Variants in TPD52L3 observed in about 807,000 individuals in gnomAD.
The protein encoded by TPD52L3 is tumor protein D55.
In TPD52L3, 12 loss-of-function variants were observed where a neutral mutation model predicts 8.7. The observed-to-expected ratio is 1.38, with a 90% CI of 0.89 to 2.24. The LOEUF (loss-of-function observed/expected upper bound fraction) is 2.24, where lower values mean the gene tolerates loss of function less well. TPD52L3 is among the 30% of genes most tolerant of loss of function. The pLI, the probability that TPD52L3 is intolerant of heterozygous loss-of-function variation, is 0.00. For synonymous variants in TPD52L3, 79 were observed against 66.8 expected (o/e 1.18, Z -0.89); for missense variants, 207 against 158.7 (o/e 1.30, Z -1.64).
In TPD52L3 at chr9:6,328,592, G is replaced by T. The variant is rs376747813; in HGVS notation, c.-4G>T. On this transcript the variant is annotated 5_prime_UTR_variant, in exon 1 of 2. Transcript: ENST00000314556. Reference sequence around the variant, plus strand: ...CTCTTAACGAAGATCTTCTTTCCCAGTCCATGCCACATGCCAGGACAGAGA... The same window carrying T: ...CTCTTAACGAAGATCTTCTTTCCCATTCCATGCCACATGCCAGGACAGAGA... The T allele has an allele frequency of 2.5e-6, 4 of 1,612,368 alleles. No individual in the cohort carries two copies. Among genetic ancestry groups the T allele is most frequent in the African/African-American group, 1.3e-5 (1 of 74,870 alleles).
Position 6,328,516 on chromosome 9 carries a change from T to C in TPD52L3, c.-80T>C. 2 of 1,505,634 alleles carry C rather than the reference T, an allele frequency of 1.3e-6. No individual in the cohort carries two copies. The highest frequency in any genetic ancestry group is 1.8e-6 in the Non-Finnish European group (2 of 1,123,106). The allele number at this position is 1,505,634 out of a possible 1,614,324, so 93.3% of individuals were successfully genotyped here. On this transcript the variant is annotated 5_prime_UTR_variant, in exon 1 of 2. Transcript: ENST00000314556. The stretch of plus-strand genomic sequence containing the variant: ...TTCGACTCTGCTGGCCAAGATTATT[T>C]CTCTGCAGCCCAATAATTCGACTCT...
chr9:6,328,586 T>G lies in TPD52L3; in HGVS notation c.-10T>G, dbSNP rs1230063228. The G allele has an allele frequency of 6.2e-7, 1 of 1,610,808 alleles. No individual in the cohort carries two copies. Among genetic ancestry groups the G allele is most frequent in the East Asian group, 2.2e-5 (1 of 44,850 alleles). On this transcript the variant is annotated 5_prime_UTR_variant, in exon 1 of 2. Transcript: ENST00000314556. ...TGGACTCTCTTAACGAAGATCTTCT[T>G]TCCCAGTCCATGCCACATGCCAGGA...
At chr9:6,330,690 T>A (rs1422766432) in intron 1 of TPD52L3, 1 of 1,230,170 alleles carries the variant, frequency 8.1e-7, no homozygotes, top group African/African-American at 1.6e-5. Context: ...TTTAATTTGT[T>A]GTGTTTATCA....
Position 6,328,529 on chromosome 9 carries a change from A to G in TPD52L3, c.-67A>G. 3.2e-6 allele frequency: 5 copies of G among 1,543,084 alleles called. No individual in the cohort carries two copies. The highest frequency in any genetic ancestry group is 3.5e-6 in the Non-Finnish European group (4 of 1,147,688). On this transcript the variant is annotated 5_prime_UTR_variant, in exon 1 of 2. Coordinates refer to ENST00000314556, the MANE Select transcript of TPD52L3 (RefSeq NM_001001874.3). The stretch of plus-strand genomic sequence containing the variant: ...GCCAAGATTATTTCTCTGCAGCCCA[A>G]TAATTCGACTCTTTCTACCAAGAAT...
In TPD52L3 at chr9:6,331,147, T is replaced by C; in HGVS notation, c.*128T>C. On this transcript the variant is annotated 3_prime_UTR_variant, in exon 2 of 2. Coordinates refer to ENST00000314556, the MANE Select transcript of TPD52L3 (RefSeq NM_001001874.3). ...TCAAAGCCAATCTGAGACCCTACTC[T>C]GTATCAAGAACTGTCCCAGGTTCTG... 1.0e-6 allele frequency: 1 copy of C among 964,186 alleles called. No individual in the cohort carries two copies. The highest frequency in any genetic ancestry group is 2.4e-5 in the Admixed American group (1 of 40,984). 59.7% of individuals were successfully genotyped at this position (964,186 alleles called of 1,614,324 possible).
chr9:6,329,145 C>A, intron 1 of TPD52L3, 183 bp downstream of exon 1: 1 of 1,477,334 alleles, frequency 6.8e-7, no homozygotes, highest in Non-Finnish European at 9.0e-7. Flanking sequence ...ATGACCATCT[C>A]CACTTTCTGG....
Position 6,328,581 on chromosome 9 carries a change from C to T in TPD52L3, c.-15C>T, listed in dbSNP as rs1818061315. 2.5e-6 allele frequency: 4 copies of T among 1,609,492 alleles called. No individual in the cohort carries two copies. The highest frequency in any genetic ancestry group is 1.7e-5 in the Admixed American group (1 of 59,664). ...GGACCTGGACTCTCTTAACGAAGAT[C>T]TTCTTTCCCAGTCCATGCCACATGC... On this transcript the variant is annotated 5_prime_UTR_variant, in exon 1 of 2. Transcript: ENST00000314556.
In TPD52L3 at chr9:6,328,610, G is replaced by C; in HGVS notation, c.15G>C (p.Arg5Ser). The stretch of plus-strand genomic sequence containing the variant: ...TTTCCCAGTCCATGCCACATGCCAG[G>C]ACAGAGACCTCTGTGGGCACATATG... MPHA[R>S]TETSVGTYES... Residue 5 changes from arginine (R) to serine (S), a missense_variant, in exon 1 of 2, where the codon AGG becomes AGC. Arg to Ser is a moderately radical substitution (Grantham distance 110). Transcript: ENST00000314556. 6.2e-7 allele frequency: 1 copy of C among 1,613,652 alleles called. No homozygotes were observed. Among genetic ancestry groups the C allele is most frequent in the Non-Finnish European group, 8.5e-7 (1 of 1,180,034 alleles).
At chr9:6,329,225 C>G in intron 1 of TPD52L3, 5 of 1,386,696 alleles carry the variant, frequency 3.6e-6, no homozygotes, top group Non-Finnish European at 4.7e-6. Context: ...TCCCTTATTA[C>G]ATTTGCAACT....
At chr9:6,329,119 G>C in intron 1 of TPD52L3, 157 bp downstream of exon 1, 2 of 1,512,238 alleles carry the variant, frequency 1.3e-6, no homozygotes, top group Non-Finnish European at 1.8e-6. Flanking sequence ...GCCACTCCCA[G>C]TTCTGGAGAG....
intron 1 of TPD52L3, chr9:6,330,051 G>T (rs1818116219): frequency 6.9e-7 from 1 of 1,452,472 alleles, no homozygotes; most frequent in Non-Finnish European, 9.1e-7. Flanking sequence ...CCAAATTCAA[G>T]AAAGATAAAC....
rs780144313 is a variant in TPD52L3, at chr9:6,331,052, C to A, written c.*33C>A. ...TACTTCAGACATCAAATATGGAATC[C>A]AAGAGACTATCAACAACATGAACTT... On this transcript the variant is annotated 3_prime_UTR_variant, in exon 2 of 2. Transcript: ENST00000314556. 1 of 1,592,298 alleles carries A rather than the reference C, an allele frequency of 6.3e-7. No individual in the cohort carries two copies. The highest frequency in any genetic ancestry group is 8.6e-7 in the Non-Finnish European group (1 of 1,166,904).
At position 6,328,856 on chromosome 9, in the gene TPD52L3, C is replaced by G. The variant is rs150002386; in HGVS notation, c.261C>G (p.Asn87Lys). ...SKSWLDVQVS[N>K]TYVKQKTSAA... ...GCTGGCTTGATGTTCAGGTCTCCAA[C>G]ACCTATGTGAAACAGAAGACATCAG... The change falls in exon 1 of 2, where the codon AAC becomes AAG. Residue 87 changes from asparagine to lysine, a missense_variant. Asn to Lys is a moderately conservative substitution (Grantham distance 94, BLOSUM62 0). Transcript: ENST00000314556. The G allele has an allele frequency of 9.9e-6, 16 of 1,614,074 alleles. No individual in the cohort carries two copies. The highest frequency in any genetic ancestry group is 1.4e-5 in the Non-Finnish European group (16 of 1,180,054).
intron 1 of TPD52L3, chr9:6,329,242 A>G (rs1328912621): frequency 7.4e-7 from 1 of 1,354,992 alleles, no homozygotes; most frequent in Admixed American, 3.3e-5. Context: ...AACTCTGCCC[A>G]ACAAAAACAA....
intron 1 of TPD52L3, chr9:6,329,576 G>A: frequency 2.0e-6 from 2 of 1,001,786 alleles, no homozygotes; most frequent in Non-Finnish European, 2.4e-6. Flanking sequence ...TTTTTGGTTT[G>A]TTTGTTTGTT....
Position 6,329,503 on chromosome 9 carries a change from A to G in TPD52L3, c.367+541A>G, listed in dbSNP as rs1005350510. 7 of 1,011,606 alleles carry G rather than the reference A, an allele frequency of 6.9e-6. No homozygotes were observed. The African/African-American group carries it at 1.2e-4, about 18-fold the overall frequency. 62.7% of individuals were successfully genotyped at this position (1,011,606 alleles called of 1,614,324 possible). A position where few individuals can be genotyped will look rare whatever the true frequency, so the allele number is the denominator to read the frequency against. On this transcript the variant is annotated intron_variant, in intron 1 of 1. Coordinates refer to ENST00000314556, the MANE Select transcript of TPD52L3 (RefSeq NM_001001874.3). ...AAACTCTCTTTTGGAAAACTAGCTTATTAGAAAGCCAAAGTAGAGTTCTGT... is the reference window on the plus strand; with the variant it reads ...AAACTCTCTTTTGGAAAACTAGCTTGTTAGAAAGCCAAAGTAGAGTTCTGT...
chr9:6,329,115 C>T, intron 1 of TPD52L3, 153 bp downstream of exon 1: 1 of 1,524,864 alleles, frequency 6.6e-7, no homozygotes. Flanking sequence ...ATGAGCCACT[C>T]CCAGTTCTGG....
rs1275770568 is a variant in TPD52L3 at position 6,329,739 on chromosome 9, GTTACA to G, written c.367+782_367+786del. 4 of 1,005,492 alleles carry G rather than the reference GTTACA, an allele frequency of 4.0e-6. No individual in the cohort carries two copies. In the African/African-American group the frequency reaches 7.0e-5, roughly 18 times the overall value. 62.3% of individuals were successfully genotyped at this position (1,005,492 alleles called of 1,614,324 possible). ...GGAAAATAGTGGTAGTGCACTAATT[GTTACA>G]TTACTAATATAGCTTTTGTAAAACT... On this transcript the variant is annotated intron_variant, in intron 1 of 1. Coordinates refer to ENST00000314556, the MANE Select transcript of TPD52L3 (RefSeq NM_001001874.3).
At position 6,331,062 on chromosome 9, in the gene TPD52L3, T is replaced by A; in HGVS notation, c.*43T>A. 6.3e-7 allele frequency: 1 copy of A among 1,582,400 alleles called. No individual in the cohort carries two copies. The highest frequency in any genetic ancestry group is 8.6e-7 in the Non-Finnish European group (1 of 1,160,484). ...ATCAAATATGGAATCCAAGAGACTA[T>A]CAACAACATGAACTTGTTCACAAGT... On this transcript the variant is annotated 3_prime_UTR_variant, in exon 2 of 2. Coordinates refer to ENST00000314556, the MANE Select transcript of TPD52L3 (RefSeq NM_001001874.3).
Sources: allele counts gnomAD v4.1 joint callset, GRCh38; gene constraint gnomAD v4.1.1; transcripts MANE v1.5; gene names NCBI Gene and HGNC (gene_info 2026-07-23, HGNC 2026-07-21).